PSAP: variants seen among roughly 807,000 people sequenced by gnomAD.
PSAP encodes the protein prosaposin.
In PSAP, 25 loss-of-function variants were observed where a neutral mutation model predicts 66.0. The ratio of observed to expected loss-of-function variants is 0.38; its 90% CI spans 0.28 to 0.53. The LOEUF is 0.53. PSAP is among the 20% of genes least tolerant of loss of function. The probability of loss-of-function intolerance (pLI) is 0.83; values close to 1 mark genes in which losing one functional copy is unlikely to be tolerated. For synonymous variants in PSAP, 273 were observed against 258.9 expected (o/e 1.05, Z -0.52); for missense variants, 649 against 668.8 (o/e 0.97, Z 0.33).
chr10:71,832,042 C>T (rs1842531924), intron 2 of PSAP, 122 bp from the exon 3 acceptor site: 2 of 949,290 alleles, frequency 2.1e-6, no homozygotes, highest in Non-Finnish European at 3.4e-6. Flanking sequence ...TGACCGCGCT[C>T]CTGTCACATC....
chr10:71,839,699 C>T (rs1842695950), intron 1 of PSAP, among the ~76,000 whole-genome samples: 1 of 151,756 alleles, frequency 6.6e-6, no homozygotes, highest in African/African-American at 2.4e-5. Context: ...ACAAAAAATA[C>T]AAAAATTAGC....
chr10:71,838,305 G>C (rs1362223558), intron 1 of PSAP, among the ~76,000 whole-genome samples: 2 of 152,268 alleles, frequency 1.3e-5, no homozygotes, highest in African/African-American at 4.8e-5. Context: ...ATAGCACCAG[G>C]AGAGACACGC....
At chr10:71,843,340 A>G (rs1900498) in intron 1 of PSAP, among the ~76,000 whole-genome samples, 135,333 of 152,100 alleles carry the variant, frequency 0.89, 60,450 homozygotes, top group African/African-American at 0.96. Flanking sequence ...ACCAGGTGAC[A>G]GGCGACCTTG....
intron 1 of PSAP, among the ~76,000 whole-genome samples, chr10:71,846,747 A>G (rs1417976219): frequency 1.3e-5 from 2 of 151,350 alleles, no homozygotes; most frequent in East Asian, 1.9e-4. Flanking sequence ...AAAAAAAAAA[A>G]AAAAAAAAAG....
chr10:71,829,119 A>G (rs754542276), intron 4 of PSAP, 42 bp from the exon 5 acceptor site: 22 of 1,577,778 alleles, frequency 1.4e-5, no homozygotes, highest in Admixed American at 6.7e-5. Context: ...TCCTCTCCCC[A>G]GGGGAAAATA....
At chr10:71,847,735 C>T (rs1842847683) in intron 1 of PSAP, among the ~76,000 whole-genome samples, 1 of 151,834 alleles carries the variant, frequency 6.6e-6, no homozygotes, top group African/African-American at 2.4e-5. Flanking sequence ...ACCCTTCTTT[C>T]TTCAGGAATT....
At chr10:71,848,284 G>C (rs1481079383) in intron 1 of PSAP, among the ~76,000 whole-genome samples, 1 of 152,212 alleles carries the variant, frequency 6.6e-6, no homozygotes, top group Non-Finnish European at 1.5e-5. Context: ...TCATCAAGTT[G>C]TCTACTTAAT....
Position 71,817,358 on chromosome 10 carries a change from A to C in PSAP, c.*83T>G, listed in dbSNP as rs1489076428. The stretch of plus-strand genomic sequence containing the variant: ...CCCTATTTTTATAACAAAGTCAAAC[A>C]GATCTGTGCGTTCATTCCCCCAGAC... On this transcript the variant is annotated 3_prime_UTR_variant, in exon 14 of 14. Coordinates refer to ENST00000394936, the MANE Select transcript of PSAP (RefSeq NM_002778.4). 7.0e-7 allele frequency: 1 copy of C among 1,420,574 alleles called. No individual in the cohort carries two copies. Among genetic ancestry groups the C allele is most frequent in the African/African-American group, 1.4e-5 (1 of 70,942 alleles). The allele number at this position is 1,420,574 out of a possible 1,614,324, so 88.0% of individuals were successfully genotyped here. A position where few individuals can be genotyped will look rare whatever the true frequency, so the allele number is the denominator to read the frequency against.
At chr10:71,840,320 G>C (rs1842712224) in intron 1 of PSAP, among the ~76,000 whole-genome samples, 1 of 152,196 alleles carries the variant, frequency 6.6e-6, no homozygotes, top group Admixed American at 6.5e-5. Flanking sequence ...AGGAAACCAA[G>C]AGAGGATAAC....
At chr10:71,835,089 A>G (rs1043504261) in intron 1 of PSAP, among the ~76,000 whole-genome samples, 4 of 151,944 alleles carry the variant, frequency 2.6e-5, no homozygotes, top group South Asian at 2.1e-4. Flanking sequence ...ACAAAAAAAA[A>G]CAATTAGCCA....
chr10:71,850,990 CA>C (rs923956932), intron 1 of PSAP, among the ~76,000 whole-genome samples, 191 bp downstream of exon 1: 8 of 152,256 alleles, frequency 5.3e-5, no homozygotes, highest in Non-Finnish European at 2.9e-5. Flanking sequence ...GGCATTTTCG[CA>C]GCCCGCCCCC....
chr10:71,819,913 A>G lies in PSAP; in HGVS notation c.1006-13T>C, dbSNP rs1842263261. ...CGAGTATTTCTTTCTGAAACACACG[A>G]GAGGATCGTGTGAGAAGACGGGAGG... is the stretch of plus-strand genomic sequence containing the variant. On this transcript the variant is annotated splice_polypyrimidine_tract_variant and intron_variant, in intron 9 of 13. Transcript: ENST00000394936. The G allele has an allele frequency of 6.2e-7, 1 of 1,612,382 alleles. No individual in the cohort carries two copies. The highest frequency in any genetic ancestry group is 1.1e-5 in the South Asian group (1 of 90,946).
At position 71,828,995 on chromosome 10, in the gene PSAP, T is replaced by C. The variant is rs754248595; in HGVS notation, c.458A>G (p.Gln153Arg). 1.2e-6 allele frequency: 2 copies of C among 1,614,152 alleles called. No homozygotes were observed. The highest frequency in any genetic ancestry group is 1.7e-6 in the Non-Finnish European group (2 of 1,180,034). Residue 153 changes from glutamine to arginine, a missense_variant, in exon 5 of 14, where the codon CAG (glutamine) becomes CGG (arginine). Transcript: ENST00000394936. ...CTCTGGGATCTTATTGGACTCCAGCTGCTTCTGGTGATTCAGCTCTGCTAG... is the reference window on the plus strand; with the variant it reads ...CTCTGGGATCTTATTGGACTCCAGCCGCTTCTGGTGATTCAGCTCTGCTAG... ...KHLAELNHQK[Q>R]LESNKIPELD...
chr10:71,830,168 G>GATGAGATGAGAACAC (rs1842484183), intron 4 of PSAP, among the ~76,000 whole-genome samples: 1 of 152,142 alleles, frequency 6.6e-6, no homozygotes, highest in Non-Finnish European at 1.5e-5. Context: ...CCACCCTGCA[G>GATGAGATGAGAACAC]ACATCTCAAA....
At chr10:71,829,698 C>A (rs1054447890) in intron 4 of PSAP, among the ~76,000 whole-genome samples, 1 of 152,070 alleles carries the variant, frequency 6.6e-6, no homozygotes, top group South Asian at 2.1e-4. Flanking sequence ...CCCCTCAGCT[C>A]TTCTTTAAAG....
intron 1 of PSAP, among the ~76,000 whole-genome samples, chr10:71,844,416 A>AG (rs1842783034): frequency 2.0e-5 from 3 of 152,228 alleles, no homozygotes; most frequent in Admixed American, 1.3e-4. Context: ...CTCTAATCCC[A>AG]GCACTTTGGG....
intron 1 of PSAP, among the ~76,000 whole-genome samples, chr10:71,840,567 C>T (rs920480007): frequency 4.6e-5 from 7 of 152,232 alleles, no homozygotes; most frequent in African/African-American, 1.2e-4. Context: ...GAATAGTATA[C>T]GCTCAGAGGT....
intron 2 of PSAP, 101 bp downstream of exon 2, chr10:71,834,271 G>C (rs1842578102): frequency 6.3e-7 from 1 of 1,576,300 alleles, no homozygotes; most frequent in East Asian, 2.2e-5. Context: ...AACAAAACAA[G>C]GCAAGAAAAA....
chr10:71,844,304 G>A (rs1466159408), intron 1 of PSAP, among the ~76,000 whole-genome samples: 3 of 152,206 alleles, frequency 2.0e-5, no homozygotes, highest in African/African-American at 4.8e-5. Context: ...AGACATGTAC[G>A]AGAATTTTTA....
Sources: allele counts gnomAD v4.1 joint callset (sites outside exome capture counted in the v4.1 genomes callset), GRCh38; gene constraint gnomAD v4.1.1; transcripts MANE v1.5; gene names NCBI Gene and HGNC (gene_info 2026-07-23, HGNC 2026-07-21).